CCDC192: variants seen among roughly 807,000 people sequenced by gnomAD.
CCDC192 encodes coiled-coil domain containing 192.
intron 5 of CCDC192, among the ~76,000 whole-genome samples, chr5:127,812,143 T>A (rs1758116584): frequency 6.6e-6 from 1 of 152,170 alleles, no homozygotes; most frequent in Non-Finnish European, 1.5e-5. Flanking sequence ...GTGTTAATTT[T>A]TATAAAATCC....
intron 5 of CCDC192, among the ~76,000 whole-genome samples, chr5:127,809,752 A>G (rs1757977535): frequency 6.6e-6 from 1 of 152,160 alleles, no homozygotes; most frequent in Admixed American, 6.6e-5. Flanking sequence ...CCAAGTAAGT[A>G]ATGTAGAAGA....
intron 2 of CCDC192, among the ~76,000 whole-genome samples, chr5:127,733,558 C>A (rs1379583046): frequency 1.3e-5 from 2 of 152,080 alleles, no homozygotes; most frequent in African/African-American, 4.8e-5. Context: ...AGTTAGGATT[C>A]AAGAGGGGAA....
chr5:127,862,590 A>G (rs1751414312), intron 5 of CCDC192, among the ~76,000 whole-genome samples: 1 of 152,230 alleles, frequency 6.6e-6, no homozygotes, highest in Non-Finnish European at 1.5e-5. Flanking sequence ...CGTATTTTTA[A>G]GAAACTCTTC....
intron 6 of CCDC192, among the ~76,000 whole-genome samples, chr5:127,902,411 A>C (rs1343095576): frequency 6.6e-6 from 1 of 152,184 alleles, no homozygotes; most frequent in Non-Finnish European, 1.5e-5. Flanking sequence ...TGTTTGTTAA[A>C]GAAAACAGAA....
intron 6 of CCDC192, among the ~76,000 whole-genome samples, chr5:127,915,973 T>G (rs1426602697): frequency 1.3e-5 from 2 of 152,206 alleles, no homozygotes; most frequent in Admixed American, 6.5e-5. Context: ...TCATGAAAGT[T>G]TTCTCTGTAG....
chr5:127,868,778 ACT>A (rs555469613), intron 5 of CCDC192, among the ~76,000 whole-genome samples: 252 of 151,834 alleles, frequency 1.7e-3, no homozygotes, highest in Non-Finnish European at 2.9e-3. Flanking sequence ...ACAGAGTGAG[ACT>A]CTGTCAAAAA....
intron 5 of CCDC192, among the ~76,000 whole-genome samples, chr5:127,859,840 GT>G (rs1197095483): frequency 6.6e-6 from 1 of 151,864 alleles, no homozygotes; most frequent in East Asian, 1.9e-4. Context: ...CTATTCTATG[GT>G]TTTACACATA....
chr5:127,911,750 A>G (rs1215936332), intron 6 of CCDC192, among the ~76,000 whole-genome samples: 5 of 142,376 alleles, frequency 3.5e-5, no homozygotes, highest in Middle Eastern at 4.2e-3. Context: ...TCTGTCACCT[A>G]GGCTGGAATG....
chr5:127,895,554 G>T (rs1304577194), intron 6 of CCDC192, among the ~76,000 whole-genome samples: 1 of 152,138 alleles, frequency 6.6e-6, no homozygotes, highest in Non-Finnish European at 1.5e-5. Context: ...GTAAAAAATA[G>T]TAGGGCTGGG....
At chr5:127,838,262 A>G (rs1178051932) in intron 5 of CCDC192, among the ~76,000 whole-genome samples, 1 of 152,190 alleles carries the variant, frequency 6.6e-6, no homozygotes, top group Admixed American at 6.5e-5. Flanking sequence ...ATTAATAAGG[A>G]CATAACAAGA....
At chr5:127,734,841 G>A (rs1400179506) in intron 2 of CCDC192, among the ~76,000 whole-genome samples, 1 of 151,812 alleles carries the variant, frequency 6.6e-6, no homozygotes, top group East Asian at 1.9e-4. Flanking sequence ...TTTGTCAGAT[G>A]AGTAGGTTGC....
intron 5 of CCDC192, among the ~76,000 whole-genome samples, chr5:127,847,668 C>T (rs1317666213): frequency 6.6e-6 from 1 of 151,684 alleles, no homozygotes; most frequent in Non-Finnish European, 1.5e-5. Context: ...ACTAAAAATA[C>T]AAAAATTACC....
rs1754398272 is a variant in CCDC192 at position 127,941,318 on chromosome 5, G to A, written c.672G>A (p.Leu224=). The change falls in exon 7 of 7, where the codon TTG becomes TTA. Residue 224 remains leucine, a synonymous_variant. Coordinates refer to ENST00000514853, the MANE Select transcript of CCDC192 (RefSeq NM_001317938.2). ...GAATTACTCAGCTGAAAGAAGTTTTGGAGGAAAAGGAAAGGAAGATTCAGC... is the reference window on the plus strand; with the variant it reads ...GAATTACTCAGCTGAAAGAAGTTTTAGAGGAAAAGGAAAGGAAGATTCAGC... ...TERITQLKEV[L]EEKERKIQQL... 6 of 398,878 alleles carry A rather than the reference G, an allele frequency of 1.5e-5. No homozygotes were observed. Among genetic ancestry groups the A allele is most frequent in the Non-Finnish European group, 2.7e-5 (6 of 226,084 alleles). 24.7% of individuals were successfully genotyped at this position (398,878 alleles called of 1,614,324 possible). A position where few individuals can be genotyped will look rare whatever the true frequency, so the allele number is the denominator to read the frequency against.
intron 5 of CCDC192, among the ~76,000 whole-genome samples, chr5:127,853,806 CA>C (rs966441188): frequency 4.0e-4 from 61 of 151,778 alleles, no homozygotes; most frequent in African/African-American, 1.4e-3. Flanking sequence ...AAAAAACAAA[CA>C]AAAAAAACAT....
At chr5:127,882,651 A>G (rs1752405022) in intron 6 of CCDC192, among the ~76,000 whole-genome samples, 1 of 152,260 alleles carries the variant, frequency 6.6e-6, no homozygotes, top group Admixed American at 6.5e-5. Context: ...AACAGTGATT[A>G]AAGCAATCCT....
At chr5:127,727,992 GA>G (rs1163758829) in intron 2 of CCDC192, among the ~76,000 whole-genome samples, 2 of 152,146 alleles carry the variant, frequency 1.3e-5, no homozygotes, top group Non-Finnish European at 2.9e-5. Flanking sequence ...CAAGATTAGA[GA>G]AAAATGAATG....
intron 2 of CCDC192, among the ~76,000 whole-genome samples, chr5:127,741,795 A>T (rs2126842104): frequency 6.6e-6 from 1 of 152,280 alleles, no homozygotes; most frequent in East Asian, 1.9e-4. Context: ...CAAGGTCTCT[A>T]AGAGCCTATA....
intron 6 of CCDC192, among the ~76,000 whole-genome samples, chr5:127,904,495 CTT>C (rs11344791): frequency 8.1e-4 from 94 of 115,828 alleles, no homozygotes; most frequent in African/African-American, 2.2e-3. Flanking sequence ...TTGGCAGAGA[CTT>C]TTTTTTTTTT....
Position 127,786,055 on chromosome 5 carries a change from T to C in CCDC192, c.223-11048T>C, listed in dbSNP as rs947542107. On this transcript the variant is annotated intron_variant, in intron 3 of 6. Transcript: ENST00000514853. Reference sequence around the variant, plus strand: ...CAGCAGTTTTTTCAATTCTCCTAGGTCATTCTGGATTCTAGATACAAGATT... The same window carrying C: ...CAGCAGTTTTTTCAATTCTCCTAGGCCATTCTGGATTCTAGATACAAGATT... 1,158 of 673,660 alleles carry C rather than the reference T, an allele frequency of 1.7e-3. 6 individuals carry two copies. Among genetic ancestry groups the C allele is most frequent in the Non-Finnish European group, 2.3e-3 (855 of 369,026 alleles). 41.7% of individuals were successfully genotyped at this position (673,660 alleles called of 1,614,324 possible). A position where few individuals can be genotyped will look rare whatever the true frequency, so the allele number is the denominator to read the frequency against.
Sources: allele counts gnomAD v4.1 joint callset (sites outside exome capture counted in the v4.1 genomes callset), GRCh38; gene constraint gnomAD v4.1.1; transcripts MANE v1.5; gene names NCBI Gene and HGNC (gene_info 2026-07-23, HGNC 2026-07-21).